The following TSHR variants were observed in gnomAD, a reference collection of about 807,000 sequenced individuals.
TSHR encodes thyroid stimulating hormone receptor, also known as thyrotropin receptor.
In TSHR, 51 loss-of-function variants were observed where a neutral mutation model predicts 64.1. The ratio of observed to expected loss-of-function variants is 0.80; its 90% CI spans 0.64 to 1.01. TSHR has a LOEUF of 1.01. TSHR is among the 50% of genes least tolerant of loss of function. The pLI is 0.00. For missense variants in TSHR, 877 were observed against 942.8 expected (o/e 0.93, Z 0.91); for synonymous variants, 361 against 361.9 (o/e 1.00, Z 0.03).
chr14:81,109,419 AAAAACAAAAAC>A (rs1462180844), intron 8 of TSHR, among the ~76,000 whole-genome samples: 1 of 152,162 alleles, frequency 6.6e-6, no homozygotes, highest in East Asian at 1.9e-4. Flanking sequence ...AAAAAACAAC[AAAAACAAAAAC>A]AAAACAAAAC....
intron 3 of TSHR, among the ~76,000 whole-genome samples, chr14:81,070,918 C>T (rs966942570): frequency 2.0e-5 from 3 of 151,994 alleles, no homozygotes; most frequent in Non-Finnish European, 4.4e-5. Flanking sequence ...GAAAGCCATC[C>T]CACATGCTAA....
rs144234033 is a variant in TSHR, at chr14:81,070,143, T to C, written c.317+1815T>C. 4.4e-3 allele frequency among the ~76,000 whole-genome samples: 668 copies of C among 152,190 alleles called. 8 individuals carry two copies. Among genetic ancestry groups the C allele is most frequent in the African/African-American group, 0.016 (645 of 41,538 alleles). On this transcript the variant is annotated intron_variant, in intron 3 of 9. Transcript: ENST00000298171. ...CACAATAAAAAATCTAGCATACCTA[T>C]GACTAGATCCCAAGAAAAGAGAGAA... is the stretch of plus-strand genomic sequence containing the variant.
chr14:81,055,247 G>T (rs1413962817), intron 1 of TSHR, among the ~76,000 whole-genome samples: 1 of 152,228 alleles, frequency 6.6e-6, no homozygotes. Flanking sequence ...AAGAATTGAG[G>T]TTTGGGAACC....
At chr14:80,981,457 A>G (rs7147361) in intron 1 of TSHR, among the ~76,000 whole-genome samples, 8,674 of 152,114 alleles carry the variant, frequency 0.057, 798 homozygotes, top group African/African-American at 0.2. Flanking sequence ...AGAGGAGAGG[A>G]TGGGAGGCTG....
intron 3 of TSHR, among the ~76,000 whole-genome samples, chr14:81,071,689 C>T (rs1034589378): frequency 6.6e-6 from 1 of 152,126 alleles, no homozygotes; most frequent in Non-Finnish European, 1.5e-5. Context: ...TAAGCCCAGG[C>T]ATTCCAGGCT....
intron 1 of TSHR, among the ~76,000 whole-genome samples, chr14:81,040,650 G>A (rs986676582): frequency 1.3e-5 from 2 of 151,648 alleles, no homozygotes; most frequent in African/African-American, 2.4e-5. Context: ...ATAACATTTT[G>A]GTCAATGATA....
intron 1 of TSHR, among the ~76,000 whole-genome samples, chr14:81,000,779 T>C (rs1889267820): frequency 1.3e-5 from 2 of 152,156 alleles, no homozygotes; most frequent in Non-Finnish European, 2.9e-5. Context: ...AAGGTTTGTT[T>C]TTCCCTTGCT....
At chr14:81,117,705 G>C (rs1465668467) in intron 8 of TSHR, among the ~76,000 whole-genome samples, 1 of 70,670 alleles carries the variant, frequency 1.4e-5, no homozygotes, top group Non-Finnish European at 2.5e-5. Flanking sequence ...TACCAAAGCC[G>C]GGCAGAGACA....
intron 1 of TSHR, among the ~76,000 whole-genome samples, chr14:81,026,511 G>A (rs1884062042): frequency 1.3e-5 from 2 of 152,028 alleles, no homozygotes; most frequent in Non-Finnish European, 2.9e-5. Flanking sequence ...ATCATAAAAA[G>A]GGCAACCACC....
intron 8 of TSHR, 57 bp downstream of exon 8, chr14:81,108,509 G>A: frequency 1.7e-6 from 1 of 572,910 alleles, no homozygotes; most frequent in Non-Finnish European, 2.6e-6. Flanking sequence ...TTTTTTTTTG[G>A]AATAAATGGA....
At position 81,088,141 on chromosome 14, in the gene TSHR, T is replaced by C. The variant is rs116485774; in HGVS notation, c.392+113T>C. 9.8e-3 allele frequency: 8,456 copies of C among 867,042 alleles called. 202 individuals carry two copies. Among genetic ancestry groups the C allele is most frequent in the African/African-American group, 0.072 (4,298 of 59,408 alleles). 53.7% of individuals were successfully genotyped at this position (867,042 alleles called of 1,614,324 possible). A position where few individuals can be genotyped will look rare whatever the true frequency, so the allele number is the denominator to read the frequency against. Reference sequence around the variant, plus strand: ...ATGTGGTCCAGGTTCATTTTAATGGTGTATAGCCTGGGTCGGGGGCAAGGT... The same window carrying C: ...ATGTGGTCCAGGTTCATTTTAATGGCGTATAGCCTGGGTCGGGGGCAAGGT... On this transcript the variant is annotated intron_variant, in intron 4 of 9. Coordinates refer to ENST00000298171, the MANE Select transcript of TSHR (RefSeq NM_000369.5).
At chr14:81,023,486 G>A (rs1201180250) in intron 1 of TSHR, among the ~76,000 whole-genome samples, 1 of 152,128 alleles carries the variant, frequency 6.6e-6, no homozygotes, top group African/African-American at 2.4e-5. Flanking sequence ...TTAGGACCCT[G>A]ATGTAAAGAC....
intron 1 of TSHR, chr14:80,991,614 C>A: frequency 2.5e-6 from 1 of 398,460 alleles, no homozygotes; most frequent in Non-Finnish European, 4.4e-6. Context: ...CATTTTAAAT[C>A]CCAGTCAAGA....
In TSHR at chr14:81,047,838, G is replaced by A. The variant is rs183907271; in HGVS notation, c.171-14310G>A. Among the ~76,000 whole-genome samples, 506 of 152,016 alleles carry A rather than the reference G, an allele frequency of 3.3e-3. 6 individuals are homozygous for A. Among genetic ancestry groups the A allele is most frequent in the African/African-American group, 0.011 (470 of 41,466 alleles). ...ATTTTTCGTATTTTTAGTTGAGACC[G>A]GGTTTCACCGTGTTAGCCAGGATGG... On this transcript the variant is annotated intron_variant, in intron 1 of 9. Transcript: ENST00000298171.
chr14:81,033,040 T>C, intron 1 of TSHR: 1 of 355,378 alleles, frequency 2.8e-6, no homozygotes, highest in Non-Finnish European at 5.5e-6. Context: ...TCCCAATTTC[T>C]GGAAGAGTGA....
intron 1 of TSHR, chr14:81,001,835 G>A (rs539127516): frequency 3.2e-4 from 71 of 224,882 alleles, no homozygotes; most frequent in Non-Finnish European, 5.0e-4. Context: ...GGGGAAGAGC[G>A]GGACTAACTT....
At chr14:80,990,518 T>A (rs1398678923) in intron 1 of TSHR, among the ~76,000 whole-genome samples, 2 of 152,212 alleles carry the variant, frequency 1.3e-5, no homozygotes, top group Non-Finnish European at 2.9e-5. Context: ...AAATAAGATA[T>A]GTCCAATAAA....
intron 1 of TSHR, chr14:81,001,489 T>G: frequency 1.9e-6 from 1 of 516,412 alleles, no homozygotes; most frequent in Non-Finnish European, 3.9e-6. Context: ...TCTACACCCT[T>G]AAGTTCGGCA....
intron 1 of TSHR, chr14:80,991,778 G>A (rs914933333): frequency 5.2e-6 from 2 of 388,174 alleles, no homozygotes; most frequent in African/African-American, 2.1e-5. Flanking sequence ...TGACCTAGCA[G>A]TGGCAAAGTT....
Sources: gnomAD v4.1 joint callset for allele counts (sites outside exome capture counted in the v4.1 genomes callset) on GRCh38, gnomAD v4.1.1 for gene constraint, MANE v1.5 for transcripts, NCBI Gene and HGNC (gene_info 2026-07-23, HGNC 2026-07-21) for gene names.